The following FHOD3 variants were observed in gnomAD, a reference collection of about 807,000 sequenced individuals.
The protein encoded by FHOD3 is FH1/FH2 domain-containing protein 3.
FHOD3 carries 90 observed loss-of-function variants against 173.0 expected under a neutral mutation model. The ratio of observed to expected loss-of-function variants is 0.52; its 90% CI spans 0.44 to 0.62. The LOEUF is 0.62. Among genes scored for constraint, FHOD3 ranks in the 20% least tolerant of loss-of-function variants. The pLI is 0.00. For synonymous variants in FHOD3, 828 were observed against 823.0 expected, an observed-to-expected ratio of 1.01 and a Z score of -0.10; for missense variants, 1,945 against 2,034.7, an observed-to-expected ratio of 0.96 and a Z score of 0.85.
chr18:36,577,402 G>A (rs904600831), intron 6 of FHOD3, among the ~76,000 whole-genome samples: 18 of 152,156 alleles, frequency 1.2e-4, no homozygotes, highest in African/African-American at 3.4e-4. Context: ...TCCTGAGTTC[G>A]AGCAAATCCC....
At chr18:36,527,717 G>A (rs975764797) in intron 5 of FHOD3, among the ~76,000 whole-genome samples, 1 of 152,106 alleles carries the variant, frequency 6.6e-6, no homozygotes, top group African/African-American at 2.4e-5. Context: ...ACATGGCAAT[G>A]GAATTGACAA....
chr18:36,390,683 AT>A (rs950878388), intron 3 of FHOD3, among the ~76,000 whole-genome samples: 6 of 152,132 alleles, frequency 3.9e-5, no homozygotes, highest in Admixed American at 3.3e-4. Context: ...TGGTTTTGAG[AT>A]GTGTATATTT....
At chr18:36,660,023 C>T (rs1426052260) in intron 14 of FHOD3, among the ~76,000 whole-genome samples, 1 of 152,162 alleles carries the variant, frequency 6.6e-6, no homozygotes, top group South Asian at 2.1e-4. Flanking sequence ...GTAATCCCAA[C>T]ACTTTGGGAG....
intron 1 of FHOD3, among the ~76,000 whole-genome samples, chr18:36,319,721 G>T (rs1316614359): frequency 3.9e-5 from 6 of 152,076 alleles, no homozygotes; most frequent in African/African-American, 9.7e-5. Context: ...TTCTAAAATT[G>T]ACCACATAAT....
In FHOD3 at chr18:36,589,500, C is replaced by T. The variant is rs1220277290; in HGVS notation, c.607-5287C>T. On this transcript the variant is annotated intron_variant, in intron 6 of 28. Transcript: ENST00000590592. Reference sequence around the variant, plus strand: ...GGGCTGGCTGGATCCAGTTCTGAGCCTTGCTCTCATCTACAATGCCGGAGC... The same window carrying T: ...GGGCTGGCTGGATCCAGTTCTGAGCTTTGCTCTCATCTACAATGCCGGAGC... Among the ~76,000 whole-genome samples the T allele has an allele frequency of 2.6e-5, 4 of 152,178 alleles. No homozygotes were observed. In the East Asian group the frequency reaches 7.7e-4, roughly 29 times the overall value.
At chr18:36,478,917 C>T (rs2053733972) in intron 3 of FHOD3, among the ~76,000 whole-genome samples, 1 of 152,124 alleles carries the variant, frequency 6.6e-6, no homozygotes, top group African/African-American at 2.4e-5. Flanking sequence ...TTCTTATTTT[C>T]TTCTCCCCTC....
chr18:36,561,981 GTATT>G (rs2058099424), intron 5 of FHOD3, among the ~76,000 whole-genome samples: 1 of 143,376 alleles, frequency 7.0e-6, no homozygotes, highest in Non-Finnish European at 1.6e-5. Flanking sequence ...GTATTGTATT[GTATT>G]GTATTGTATT....
chr18:36,490,953 G>A (rs944097507), intron 3 of FHOD3, among the ~76,000 whole-genome samples: 1 of 152,188 alleles, frequency 6.6e-6, no homozygotes, highest in African/African-American at 2.4e-5. Flanking sequence ...GGAATCCCGG[G>A]TTAACTCACG....
At chr18:36,340,929 G>A (rs150946209) in intron 1 of FHOD3, among the ~76,000 whole-genome samples, 2,472 of 152,234 alleles carry the variant, frequency 0.016, 69 homozygotes, top group Admixed American at 0.076. Flanking sequence ...GAGCCACCGC[G>A]CCCGGCCAGT....
chr18:36,570,731 A>G (rs2058423062), intron 5 of FHOD3, among the ~76,000 whole-genome samples: 1 of 152,164 alleles, frequency 6.6e-6, no homozygotes, highest in African/African-American at 2.4e-5. Flanking sequence ...TTCAGTTAGT[A>G]TAACCTACTG....
chr18:36,648,857 C>G (rs552115729), intron 10 of FHOD3, among the ~76,000 whole-genome samples: 4 of 152,172 alleles, frequency 2.6e-5, no homozygotes, highest in Non-Finnish European at 4.4e-5. Context: ...TTGGCCTGAC[C>G]CTTGGTGATT....
At chr18:36,756,374 C>T (rs1456999798) in intron 25 of FHOD3, among the ~76,000 whole-genome samples, 1 of 151,974 alleles carries the variant, frequency 6.6e-6, no homozygotes, top group Non-Finnish European at 1.5e-5. Context: ...CCCATCTGTG[C>T]GTGCATTTGA....
rs529174755 is a variant in FHOD3, at chr18:36,505,925, C to T, written c.405+3926C>T. 2.0e-5 allele frequency among the ~76,000 whole-genome samples: 3 copies of T among 152,308 alleles called. No homozygotes were observed. The South Asian group carries it at 6.2e-4, about 32-fold the overall frequency. On this transcript the variant is annotated intron_variant, in intron 4 of 28. Coordinates refer to ENST00000590592, the MANE Select transcript of FHOD3 (RefSeq NM_001281740.3). ...GCTGTGCTAAGCAAATGCATCCTCA[C>T]TATTTTAAAAGAGTGCATTTCTTAC...
intron 5 of FHOD3, 114 bp from the exon 6 acceptor site, chr18:36,576,337 A>G (rs2058647739): frequency 1.2e-5 from 7 of 608,168 alleles, no homozygotes; most frequent in Non-Finnish European, 1.9e-5. Flanking sequence ...CTCAGATTTG[A>G]TTCTTAACAT....
intron 9 of FHOD3, among the ~76,000 whole-genome samples, chr18:36,614,438 T>C (rs1220972428): frequency 6.6e-6 from 1 of 152,250 alleles, no homozygotes; most frequent in African/African-American, 2.4e-5. Context: ...TTGGCTATTA[T>C]GAATAATGCT....
intron 19 of FHOD3, among the ~76,000 whole-genome samples, chr18:36,719,741 A>G (rs1404617550): frequency 6.6e-6 from 1 of 152,182 alleles, no homozygotes. Flanking sequence ...TTGGGCACCA[A>G]TTCTGTATCA....
At chr18:36,644,049 C>G (rs1028624011) in intron 10 of FHOD3, among the ~76,000 whole-genome samples, 1 of 152,128 alleles carries the variant, frequency 6.6e-6, no homozygotes, top group Non-Finnish European at 1.5e-5. Flanking sequence ...AAACTACGCC[C>G]CAAAGAACTG....
In FHOD3 at chr18:36,762,942, AAT is replaced by A. The variant is rs1328976549; in HGVS notation, c.4624+2163_4624+2164del. ...TATGTGTATTATATACATTATATAT[AAT>A]ATGTGTATTATATACGTTATATATG... On this transcript the variant is annotated intron_variant, in intron 27 of 28. Coordinates refer to ENST00000590592, the MANE Select transcript of FHOD3 (RefSeq NM_001281740.3). Among the ~76,000 whole-genome samples, 5 of 146,476 alleles carry A rather than the reference AAT, an allele frequency of 3.4e-5. No homozygotes were observed. In the East Asian group the frequency reaches 8.0e-4, roughly 23 times the overall value.
intron 3 of FHOD3, among the ~76,000 whole-genome samples, chr18:36,425,160 G>A (rs1285499043): frequency 6.6e-6 from 1 of 152,110 alleles, no homozygotes; most frequent in African/African-American, 2.4e-5. Flanking sequence ...TCACATAACC[G>A]TTATTACAGT....
Sources: allele counts gnomAD v4.1 joint callset (sites outside exome capture counted in the v4.1 genomes callset), GRCh38; gene constraint gnomAD v4.1.1; transcripts MANE v1.5; gene names NCBI Gene and HGNC (gene_info 2026-07-23, HGNC 2026-07-21).